PARD3: variants seen among roughly 807,000 people sequenced by gnomAD.
PARD3 encodes the protein par-3 family cell polarity regulator, also known as partitioning defective 3 homolog.
A neutral mutation model predicts 155.4 loss-of-function variants in PARD3; 75 were observed. The observed-to-expected ratio is 0.48, with a 90% CI of 0.40 to 0.58. The LOEUF (loss-of-function observed/expected upper bound fraction) is 0.58. Ranked by LOEUF, PARD3 falls within the 20% of genes least tolerant of loss-of-function variation. The probability of loss-of-function intolerance (pLI) is 0.00; values close to 1 mark genes in which losing one functional copy is unlikely to be tolerated. For synonymous variants in PARD3, 576 were observed against 610.5 expected (o/e 0.94, Z 0.83); for missense variants, 1,642 against 1,721.7 (o/e 0.95, Z 0.82).
At chr10:34,221,697 G>T (rs973987238) in intron 22 of PARD3, among the ~76,000 whole-genome samples, 2 of 152,104 alleles carry the variant, frequency 1.3e-5, no homozygotes, top group African/African-American at 4.8e-5. Context: ...GACATAGAAA[G>T]AAAAAGATCA....
At chr10:34,594,602 C>T (rs2089069257) in intron 2 of PARD3, among the ~76,000 whole-genome samples, 1 of 152,038 alleles carries the variant, frequency 6.6e-6, no homozygotes, top group Admixed American at 6.6e-5. Context: ...AGGAGGACGA[C>T]AAAAAGAAAA....
At chr10:34,143,332 A>C (rs1049887424) in intron 22 of PARD3, among the ~76,000 whole-genome samples, 9 of 152,166 alleles carry the variant, frequency 5.9e-5, no homozygotes, top group East Asian at 1.9e-4. Context: ...ACAACAACAA[A>C]AAACTGAAAT....
At chr10:34,735,443 A>G (rs1248692809) in intron 1 of PARD3, among the ~76,000 whole-genome samples, 5 of 152,186 alleles carry the variant, frequency 3.3e-5, no homozygotes, top group African/African-American at 1.2e-4. Context: ...TGAAATTCTG[A>G]CTCAATCTGA....
intron 2 of PARD3, among the ~76,000 whole-genome samples, chr10:34,644,985 C>G (rs1026092253): frequency 2.0e-5 from 3 of 152,096 alleles, no homozygotes; most frequent in African/African-American, 7.2e-5. Flanking sequence ...TCCTGAATAG[C>G]TGGGACTACA....
rs532391738 is a variant in PARD3 at position 34,137,926 on chromosome 10, C to T, written c.3420-6343G>A. ...ACGTTCTAGACCTCCCTCCTCAGACCGCCCCCACACCAATACTACCACCCC... is the reference window on the plus strand; with the variant it reads ...ACGTTCTAGACCTCCCTCCTCAGACTGCCCCCACACCAATACTACCACCCC... On this transcript the variant is annotated intron_variant, in intron 22 of 24. Coordinates refer to ENST00000374788, the MANE Select transcript of PARD3 (RefSeq NM_001184785.2). 3.9e-5 allele frequency among the ~76,000 whole-genome samples: 6 copies of T among 152,256 alleles called. No individual in the cohort carries two copies. The East Asian group carries it at 5.8e-4, about 15-fold the overall frequency.
At chr10:34,263,097 G>T (rs1427999803) in intron 22 of PARD3, among the ~76,000 whole-genome samples, 1 of 152,168 alleles carries the variant, frequency 6.6e-6, no homozygotes, top group Non-Finnish European at 1.5e-5. Flanking sequence ...TGTCTTTATT[G>T]ATTTCAATTT....
chr10:34,788,365 A>G (rs1023602734), intron 1 of PARD3, among the ~76,000 whole-genome samples: 18 of 152,096 alleles, frequency 1.2e-4, no homozygotes, highest in African/African-American at 4.1e-4. Flanking sequence ...GGACGACTCT[A>G]AACACCTGAT....
At chr10:34,740,632 C>T (rs545580002) in intron 1 of PARD3, among the ~76,000 whole-genome samples, 57 of 152,210 alleles carry the variant, frequency 3.7e-4, no homozygotes, top group African/African-American at 1.3e-3. Context: ...AACTTTCACA[C>T]CAAGCTGTTT....
At chr10:34,629,041 C>T (rs763459959) in intron 2 of PARD3, among the ~76,000 whole-genome samples, 2 of 152,094 alleles carry the variant, frequency 1.3e-5, no homozygotes, top group Non-Finnish European at 2.9e-5. Flanking sequence ...GTGTTAAATT[C>T]TTCCTTCACC....
chr10:34,515,419 C>T (rs2081657486), intron 3 of PARD3, among the ~76,000 whole-genome samples: 1 of 152,208 alleles, frequency 6.6e-6, no homozygotes, highest in African/African-American at 2.4e-5. Context: ...TCCTTGGAAA[C>T]ATCTGTCATT....
chr10:34,321,192 A>T (rs1958353625), intron 19 of PARD3, among the ~76,000 whole-genome samples: 1 of 152,202 alleles, frequency 6.6e-6, no homozygotes, highest in Non-Finnish European at 1.5e-5. Context: ...CTTTATAATT[A>T]GGTACATAAA....
intron 22 of PARD3, among the ~76,000 whole-genome samples, chr10:34,204,986 A>G: frequency 6.6e-6 from 1 of 152,224 alleles, no homozygotes; most frequent in South Asian, 2.1e-4. Context: ...TAATTAAGCC[A>G]AACGATTGTG....
chr10:34,360,253 C>T lies in PARD3; in HGVS notation c.1714G>A (p.Glu572Lys). Reference sequence around the variant, plus strand: ...GGTGTAAGAACAATATCCTCATCTTCTGCTTTCTAATAGGGAACAAAATTG... The same window carrying T: ...GGTGTAAGAACAATATCCTCATCTTTTGCTTTCTAATAGGGAACAAAATTG... ...QMQIPKETKA[E>K]DEDIVLTPDG... The change falls in exon 13 of 25, where the codon GAA (glutamate) becomes AAA (lysine). Residue 572 changes from glutamate (E) to lysine (K), a missense_variant. By Grantham distance (56) the Glu-to-Lys change is moderately conservative (BLOSUM62 1). Coordinates refer to ENST00000374788, the MANE Select transcript of PARD3 (RefSeq NM_001184785.2). 6.2e-7 allele frequency: 1 copy of T among 1,612,076 alleles called. No homozygotes were observed. Among genetic ancestry groups the T allele is most frequent in the African/African-American group, 1.3e-5 (1 of 75,006 alleles).
chr10:34,160,852 A>C (rs1426427715), intron 22 of PARD3, among the ~76,000 whole-genome samples: 6 of 152,186 alleles, frequency 3.9e-5, no homozygotes, highest in Non-Finnish European at 7.3e-5. Flanking sequence ...TGCCTTTGGA[A>C]CCTGTTTATA....
rs2075973112 is a variant in PARD3 at position 34,432,246 on chromosome 10, A to G, written c.714+18071T>C. Among the ~76,000 whole-genome samples, 4 of 151,666 alleles carry G rather than the reference A, an allele frequency of 2.6e-5. No homozygotes were observed. In the South Asian group the frequency reaches 8.3e-4, roughly 32 times the overall value. ...TGATTTTAAAAACAAACAGATGGAG[A>G]GGGAGACAAATATTACATAGGTCTA... is the stretch of plus-strand genomic sequence containing the variant. On this transcript the variant is annotated intron_variant, in intron 5 of 24. Transcript: ENST00000374788.
At chr10:34,280,007 A>G (rs1956086354) in intron 21 of PARD3, among the ~76,000 whole-genome samples, 3 of 152,230 alleles carry the variant, frequency 2.0e-5, no homozygotes, top group Admixed American at 2.0e-4. Flanking sequence ...ATAGATAATA[A>G]TATTGTAATA....
At chr10:34,691,910 T>C (rs1026915350) in intron 2 of PARD3, among the ~76,000 whole-genome samples, 1 of 152,222 alleles carries the variant, frequency 6.6e-6, no homozygotes, top group African/African-American at 2.4e-5. Flanking sequence ...ATATTGACAC[T>C]GGACCCCTTC....
intron 22 of PARD3, among the ~76,000 whole-genome samples, chr10:34,243,599 A>G (rs1953747038): frequency 6.6e-6 from 1 of 152,138 alleles, no homozygotes; most frequent in Admixed American, 6.5e-5. Flanking sequence ...GCACTTTGGG[A>G]GGCCAAGGTG....
chr10:34,584,902 T>C (rs932611269), intron 2 of PARD3, among the ~76,000 whole-genome samples: 8 of 152,162 alleles, frequency 5.3e-5, no homozygotes, highest in African/African-American at 1.7e-4. Context: ...CCTAGGGATT[T>C]ATCCATCCCC....
Sources: allele counts gnomAD v4.1 joint callset (sites outside exome capture counted in the v4.1 genomes callset), GRCh38; gene constraint gnomAD v4.1.1; transcripts MANE v1.5; gene names NCBI Gene and HGNC (gene_info 2026-07-23, HGNC 2026-07-21).